TFRC: variants seen among roughly 807,000 people sequenced by gnomAD.
The protein encoded by TFRC is transferrin receptor protein 1.
Under a neutral mutation model 85.8 loss-of-function variants are expected in TFRC, and 35 were observed. That is an observed-to-expected ratio of 0.41 (90% CI 0.31 to 0.54). The LOEUF is 0.54. TFRC is among the 20% of genes least tolerant of loss of function. TFRC has a pLI of 0.31. For synonymous variants in TFRC, 362 were observed against 328.6 expected, an observed-to-expected ratio of 1.10 and a Z score of -1.10; for missense variants, 828 against 921.5, an observed-to-expected ratio of 0.90 and a Z score of 1.31.
rs563848253 is a variant in TFRC, at chr3:196,049,586, C to A, written c.*2356G>T. 5 of 223,580 alleles carry A rather than the reference C, an allele frequency of 2.2e-5. No individual in the cohort carries two copies. The highest frequency in any genetic ancestry group is 1.1e-4 in the African/African-American group (5 of 44,930). 13.8% of individuals were successfully genotyped at this position (223,580 alleles called of 1,614,324 possible). On this transcript the variant is annotated 3_prime_UTR_variant, in exon 19 of 19. Coordinates refer to ENST00000360110, the MANE Select transcript of TFRC (RefSeq NM_001128148.3). ...GGAATATTGAGCCTGTTAGCACGTACTGGCTTGATAGGAAGTAACTCAACC... is the reference window on the plus strand; with the variant it reads ...GGAATATTGAGCCTGTTAGCACGTAATGGCTTGATAGGAAGTAACTCAACC...
intron 6 of TFRC, among the ~76,000 whole-genome samples, chr3:196,070,931 T>C (rs1003273331): frequency 6.6e-6 from 1 of 151,910 alleles, no homozygotes; most frequent in Non-Finnish European, 1.5e-5. Flanking sequence ...GGCAACAGAG[T>C]GACACCCTGT....
intron 2 of TFRC, among the ~76,000 whole-genome samples, chr3:196,075,908 A>T (rs1348425829): frequency 6.6e-6 from 1 of 151,420 alleles, no homozygotes; most frequent in Non-Finnish European, 1.5e-5. Flanking sequence ...CACACAGATC[A>T]TTTATGGTCA....
intron 3 of TFRC, chr3:196,074,492 G>A (rs560267948): frequency 6.6e-5 from 11 of 165,764 alleles, no homozygotes; most frequent in Middle Eastern, 2.6e-3. Flanking sequence ...CTTGCACGTC[G>A]TATTGAAATA....
chr3:196,058,489 C>G, intron 15 of TFRC, 85 bp downstream of exon 15: 1 of 1,496,984 alleles, frequency 6.7e-7, no homozygotes, highest in South Asian at 1.2e-5. Context: ...AAGTTCAATG[C>G]AAGGACAGAT....
chr3:196,049,367 A>G lies in TFRC; in HGVS notation c.*2575T>C, dbSNP rs190379777. ...AGCTTTTATACAATGATAAGGACAT[A>G]TCATTTGTTTACAAAGAAAGTCTAA... On this transcript the variant is annotated 3_prime_UTR_variant, in exon 19 of 19. Transcript: ENST00000360110. The G allele has an allele frequency of 5.0e-6, 1 of 199,088 alleles. No individual in the cohort carries two copies. Among genetic ancestry groups the G allele is most frequent in the Middle Eastern group, 1.7e-3 (1 of 580 alleles). The allele number at this position is 199,088 out of a possible 1,614,324, so 12.3% of individuals were successfully genotyped here. A position where few individuals can be genotyped will look rare whatever the true frequency, so the allele number is the denominator to read the frequency against.
intron 2 of TFRC, among the ~76,000 whole-genome samples, chr3:196,076,233 G>A (rs971756353): frequency 2.0e-5 from 3 of 152,034 alleles, no homozygotes; most frequent in South Asian, 2.1e-4. Context: ...GCTCCTTCTC[G>A]TCATGGCCTG....
In TFRC at chr3:196,062,834, G is replaced by A. The variant is rs1717397117; in HGVS notation, c.1404+20C>T. ...GCCCACAAGCTCGTGTCCAATATGG[G>A]AAGGGATGATAAAGAATACCTCTAG... is the stretch of plus-strand genomic sequence containing the variant. On this transcript the variant is annotated intron_variant, in intron 12 of 18. Coordinates refer to ENST00000360110, the MANE Select transcript of TFRC (RefSeq NM_001128148.3). 3 of 1,611,394 alleles carry A rather than the reference G, an allele frequency of 1.9e-6. No individual in the cohort carries two copies. The highest frequency in any genetic ancestry group is 2.2e-5 in the East Asian group (1 of 44,878).
chr3:196,062,658 G>A lies in TFRC; in HGVS notation c.1405-13C>T. The A allele has an allele frequency of 6.3e-7, 1 of 1,598,032 alleles. No individual in the cohort carries two copies. Among genetic ancestry groups the A allele is most frequent in the Non-Finnish European group, 8.5e-7 (1 of 1,173,874 alleles). On this transcript the variant is annotated splice_polypyrimidine_tract_variant and intron_variant, in intron 12 of 18. Coordinates refer to ENST00000360110, the MANE Select transcript of TFRC (RefSeq NM_001128148.3). ...ACGAAAGGTATCCCTAGAAGAGAAG[G>A]GAAAACACTAATAAGTATAAATCTG...
chr3:196,067,741 G>A, intron 8 of TFRC, 84 bp from the exon 9 acceptor site: 2 of 1,490,050 alleles, frequency 1.3e-6, no homozygotes, highest in Admixed American at 2.2e-5. Flanking sequence ...TAAGGCTGCA[G>A]CCCAACCTTA....
At chr3:196,081,666 G>A (rs559268751) in intron 1 of TFRC, among the ~76,000 whole-genome samples, 1 of 152,224 alleles carries the variant, frequency 6.6e-6, no homozygotes, top group Admixed American at 6.5e-5. Flanking sequence ...GCGAGGACCC[G>A]AAGTCCCCGG....
intron 1 of TFRC, among the ~76,000 whole-genome samples, chr3:196,080,464 C>A (rs1158414642): frequency 1.3e-5 from 2 of 152,242 alleles, no homozygotes; most frequent in Non-Finnish European, 2.9e-5. Context: ...GACTCGAACT[C>A]CTGACCTTAG....
chr3:196,079,685 C>T (rs146843202), intron 1 of TFRC, among the ~76,000 whole-genome samples: 18 of 152,132 alleles, frequency 1.2e-4, no homozygotes, highest in Middle Eastern at 3.2e-3. Context: ...TGACTGAAAA[C>T]AACAATTCAA....
At chr3:196,063,995 G>T (rs1454547421) in intron 11 of TFRC, among the ~76,000 whole-genome samples, 6 of 152,294 alleles carry the variant, frequency 3.9e-5, no homozygotes, top group Middle Eastern at 3.4e-3. Context: ...AGAGAGGTAT[G>T]CTACTGCTTT....
chr3:196,066,506 T>A (rs1717755020), intron 9 of TFRC, among the ~76,000 whole-genome samples: 1 of 152,144 alleles, frequency 6.6e-6, no homozygotes, highest in African/African-American at 2.4e-5. Flanking sequence ...GTTACCCAAA[T>A]AATAGCTGCT....
chr3:196,076,229 T>A (rs963036805), intron 2 of TFRC, among the ~76,000 whole-genome samples: 2 of 152,110 alleles, frequency 1.3e-5, no homozygotes, highest in African/African-American at 4.8e-5. Flanking sequence ...TTAGGCTCCT[T>A]CTCGTCATGG....
chr3:196,074,338 A>C (rs1266944401), intron 3 of TFRC: 3 of 399,538 alleles, frequency 7.5e-6, no homozygotes, highest in Non-Finnish European at 8.7e-6. Context: ...TATTCAAAAC[A>C]TAGGTAGTTT....
At chr3:196,059,212 G>A (rs763499870) in intron 14 of TFRC, among the ~76,000 whole-genome samples, 1 of 152,134 alleles carries the variant, frequency 6.6e-6, no homozygotes, top group Non-Finnish European at 1.5e-5. Flanking sequence ...TCCTCAGGAG[G>A]CTGAGGCAGG....
chr3:196,052,045 T>C lies in TFRC; in HGVS notation c.2180A>G (p.Asn727Ser). Reference protein sequence around the residue: ...KLRKQNNGAFNETLFRNQLAL... With the variant: ...KLRKQNNGAFSETLFRNQLAL... Reference sequence around the variant, plus strand: ...CAACTGGTTTCTGAACAGCGTTTCATTAAAAGCACCGTTATTTTGTTTACG... The same window carrying C: ...CAACTGGTTTCTGAACAGCGTTTCACTAAAAGCACCGTTATTTTGTTTACG... Residue 727 changes from asparagine to serine, a missense_variant, in exon 19 of 19, where the codon AAT (asparagine) becomes AGT (serine). By Grantham distance (46) the Asn-to-Ser change is conservative. Coordinates refer to ENST00000360110, the MANE Select transcript of TFRC (RefSeq NM_001128148.3). The C allele has an allele frequency of 6.8e-6, 11 of 1,614,190 alleles. No homozygotes were observed. Among genetic ancestry groups the C allele is most frequent in the Non-Finnish European group, 9.3e-6 (11 of 1,180,040 alleles).
intron 1 of TFRC, among the ~76,000 whole-genome samples, chr3:196,077,431 C>T (rs760361600): frequency 7.3e-5 from 11 of 150,380 alleles, no homozygotes; most frequent in Non-Finnish European, 1.0e-4. Flanking sequence ...ATTATAAGTA[C>T]GAACCACTAT....
Sources: allele counts gnomAD v4.1 joint callset (sites outside exome capture counted in the v4.1 genomes callset), GRCh38; gene constraint gnomAD v4.1.1; transcripts MANE v1.5; gene names NCBI Gene and HGNC (gene_info 2026-07-23, HGNC 2026-07-21).